The following ZFC3H1 variants were observed in gnomAD, a reference collection of about 807,000 sequenced individuals.
ZFC3H1 encodes zinc finger C3H1 domain-containing protein.
A neutral mutation model predicts 243.7 loss-of-function variants in ZFC3H1; 71 were observed. The observed-to-expected ratio is 0.29, with a 90% CI of 0.24 to 0.36. ZFC3H1 has a LOEUF of 0.36. Among genes scored for constraint, ZFC3H1 ranks in the 10% least tolerant of loss-of-function variants. The pLI, the probability that ZFC3H1 is intolerant of heterozygous loss-of-function variation, is 1.00. For synonymous variants in ZFC3H1, 838 were observed against 813.0 expected, an observed-to-expected ratio of 1.03 and a Z score of -0.52; for missense variants, 1,966 against 2,317.1, an observed-to-expected ratio of 0.85 and a Z score of 3.11.
chr12:71,661,857 G>T (rs934035005), intron 1 of ZFC3H1, among the ~76,000 whole-genome samples: 3 of 152,142 alleles, frequency 2.0e-5, no homozygotes, highest in African/African-American at 7.2e-5. Context: ...GTTTTTCAGG[G>T]AACTAGCATC....
intron 27 of ZFC3H1, among the ~76,000 whole-genome samples, chr12:71,617,919 T>C (rs1879929178): frequency 1.3e-5 from 2 of 152,106 alleles, no homozygotes; most frequent in South Asian, 4.1e-4. Context: ...GACTCAAGTC[T>C]GGGAGGGAAT....
chr12:71,642,320 G>C (rs1464411326), intron 6 of ZFC3H1, 116 bp downstream of exon 6: 2 of 1,183,800 alleles, frequency 1.7e-6, no homozygotes, highest in Non-Finnish European at 2.3e-6. Flanking sequence ...TCGCCATACA[G>C]TTCATCAGCA....
intron 22 of ZFC3H1, 113 bp downstream of exon 22, chr12:71,626,147 T>C: frequency 9.1e-7 from 1 of 1,103,238 alleles, no homozygotes. Context: ...TATGTCTATA[T>C]TCAGATAAAG....
At chr12:71,634,946 T>C in intron 10 of ZFC3H1, 121 bp from the exon 11 acceptor site, 1 of 1,150,016 alleles carries the variant, frequency 8.7e-7, no homozygotes, top group South Asian at 1.9e-5. Flanking sequence ...TACCTGAATG[T>C]CATCATTTTC....
intron 2 of ZFC3H1, among the ~76,000 whole-genome samples, chr12:71,653,125 T>C (rs1234969538): frequency 6.6e-6 from 1 of 152,204 alleles, no homozygotes; most frequent in African/African-American, 2.4e-5. Context: ...GACCTATGGT[T>C]AATTTGTTTA....
At chr12:71,642,006 C>G (rs1164612411) in intron 6 of ZFC3H1, among the ~76,000 whole-genome samples, 1 of 152,128 alleles carries the variant, frequency 6.6e-6, no homozygotes, top group Non-Finnish European at 1.5e-5. Flanking sequence ...CATGCCACCA[C>G]ACCCAGCGAA....
At chr12:71,629,077 G>GTT in intron 19 of ZFC3H1, 40 bp from the exon 20 acceptor site, 37 of 1,350,090 alleles carry the variant, frequency 2.7e-5, no homozygotes, top group South Asian at 1.2e-4. Flanking sequence ...GATATAACTA[G>GTT]TTTTTTTTTT....
intron 24 of ZFC3H1, among the ~76,000 whole-genome samples, chr12:71,621,307 T>G (rs1880020329): frequency 1.8e-5 from 2 of 110,898 alleles, no homozygotes; most frequent in South Asian, 5.3e-4. Context: ...CACTTCCTTT[T>G]CTTTTTTTTT....
chr12:71,614,752 C>T, intron 29 of ZFC3H1, 52 bp from the exon 30 acceptor site: 1 of 1,587,450 alleles, frequency 6.3e-7, no homozygotes, highest in Non-Finnish European at 8.6e-7. Flanking sequence ...GTAGTTCTCT[C>T]ACCAAGAAAG....
intron 1 of ZFC3H1, among the ~76,000 whole-genome samples, chr12:71,657,690 T>C (rs1881055861): frequency 6.6e-6 from 1 of 152,130 alleles, no homozygotes; most frequent in Admixed American, 6.5e-5. Flanking sequence ...CAGATGCGGA[T>C]AGTTTACACT....
rs971598613 is a variant in ZFC3H1, at chr12:71,631,710, T to G, written c.3470+68A>C. 9.1e-6 allele frequency: 12 copies of G among 1,313,608 alleles called. No individual in the cohort carries two copies. In the Admixed American group the frequency reaches 1.6e-4, roughly 18 times the overall value. The allele number at this position is 1,313,608 out of a possible 1,614,324, so 81.4% of individuals were successfully genotyped here. A position where few individuals can be genotyped will look rare whatever the true frequency, so the allele number is the denominator to read the frequency against. On this transcript the variant is annotated intron_variant, in intron 16 of 34. Coordinates refer to ENST00000378743, the MANE Select transcript of ZFC3H1 (RefSeq NM_144982.5). ...TTGCTTTTTCATTATCATCAAATAT[T>G]CAAGATAAAATATTAAAAACCAAAC... is the stretch of plus-strand genomic sequence containing the variant.
chr12:71,632,591 T>C (rs1880351198), intron 14 of ZFC3H1, 77 bp from the exon 15 acceptor site: 1 of 1,458,104 alleles, frequency 6.9e-7, no homozygotes, highest in African/African-American at 1.4e-5. Flanking sequence ...AATTGTGCTA[T>C]CCCCACCATA....
At chr12:71,661,087 G>A (rs1454874014) in intron 1 of ZFC3H1, among the ~76,000 whole-genome samples, 3 of 151,980 alleles carry the variant, frequency 2.0e-5, no homozygotes, top group Non-Finnish European at 4.4e-5. Context: ...GCGGATCACG[G>A]AGTCAGGAGA....
chr12:71,660,942 G>A (rs562141698), intron 1 of ZFC3H1, among the ~76,000 whole-genome samples: 9 of 151,204 alleles, frequency 6.0e-5, no homozygotes, highest in South Asian at 2.1e-4. Context: ...GCAAGACTTC[G>A]TCTCCCCAAA....
chr12:71,636,720 A>T, intron 8 of ZFC3H1, 66 bp from the exon 9 acceptor site: 2 of 1,560,332 alleles, frequency 1.3e-6, no homozygotes, highest in Non-Finnish European at 1.7e-6. Flanking sequence ...ACCTTTAAAA[A>T]TCTTGAGCAT....
At position 71,657,020 on chromosome 12, in the gene ZFC3H1, T is replaced by G. The variant is rs780598624; in HGVS notation, c.880A>C (p.Lys294Gln). 5 of 1,613,828 alleles carry G rather than the reference T, an allele frequency of 3.1e-6. No homozygotes were observed. In the Admixed American group the frequency reaches 8.3e-5, roughly 27 times the overall value. Residue 294 changes from lysine (K) to glutamine (Q), a missense_variant, in exon 2 of 35, where the codon AAA becomes CAA. By Grantham distance (53) the Lys-to-Gln change is moderately conservative. Transcript: ENST00000378743. The part of the protein sequence containing the change: ...EVAPEEKTQV[K>Q]TFQAFELKPL... Reference sequence around the variant, plus strand: ...TTTAATTCAAATGCCTGAAAAGTTTTGACTTGTGTTTTCTCCTCAGGAGCT... The same window carrying G: ...TTTAATTCAAATGCCTGAAAAGTTTGGACTTGTGTTTTCTCCTCAGGAGCT...
Position 71,634,269 on chromosome 12 carries a change from A to C in ZFC3H1, c.2396T>G (p.Leu799Arg). ...TGCTGGGGATGATGAACTTGTCTTCAGCTGATCTGATTTAATCAAACGCTG... is the reference window on the plus strand; with the variant it reads ...TGCTGGGGATGATGAACTTGTCTTCCGCTGATCTGATTTAATCAAACGCTG... Reference protein sequence around the residue: ...EKQRLIKSDQLKTSSSSPANS... With the variant: ...EKQRLIKSDQRKTSSSSPANS... Residue 799 changes from leucine (L) to arginine (R), a missense_variant, in exon 12 of 35, where the codon CTG (leucine) becomes CGG (arginine). This residue lies in a region of ZFC3H1 where 1,383 missense variants were observed against 1,723.7 expected (regional missense o/e 0.80). Transcript: ENST00000378743. The C allele has an allele frequency of 6.2e-7, 1 of 1,614,068 alleles. No individual in the cohort carries two copies. Among genetic ancestry groups the C allele is most frequent in the Non-Finnish European group, 8.5e-7 (1 of 1,179,970 alleles).
intron 30 of ZFC3H1, 42 bp downstream of exon 30, chr12:71,614,489 CTTTG>C: frequency 6.6e-7 from 1 of 1,505,972 alleles, no homozygotes; most frequent in African/African-American, 1.4e-5. Flanking sequence ...TTTAAAGTCT[CTTTG>C]TTTTACACAA....
intron 29 of ZFC3H1, 36 bp from the exon 30 acceptor site, chr12:71,614,736 A>G (rs1879853568): frequency 6.3e-7 from 1 of 1,594,172 alleles, no homozygotes; most frequent in Non-Finnish European, 8.5e-7. Flanking sequence ...TAGAATAACT[A>G]AGACAGTAGT....
Sources: gnomAD v4.1 joint callset for allele counts (sites outside exome capture counted in the v4.1 genomes callset) on GRCh38, gnomAD v4.1.1 for gene constraint, gnomAD v4.1.1 regional missense constraint, MANE v1.5 for transcripts, NCBI Gene and HGNC (gene_info 2026-07-23, HGNC 2026-07-21) for gene names.